The following ARL15 variants were observed in gnomAD, a reference collection of about 807,000 sequenced individuals.
The protein encoded by ARL15 is ADP-ribosylation factor-like protein 15.
Under a neutral mutation model 25.2 loss-of-function variants are expected in ARL15, and 19 were observed. The ratio of observed to expected loss-of-function variants is 0.75; its 90% CI spans 0.53 to 1.10. ARL15 has a LOEUF of 1.10. ARL15 is among the 50% of genes least tolerant of loss of function. The pLI is 0.00. For missense variants in ARL15, 220 were observed against 246.0 expected, an observed-to-expected ratio of 0.89 and a Z score of 0.71; for synonymous variants, 94 against 86.8, an observed-to-expected ratio of 1.08 and a Z score of -0.46.
At chr5:54,212,752 A>G (rs542060792) in intron 1 of ARL15, among the ~76,000 whole-genome samples, 3 of 152,206 alleles carry the variant, frequency 2.0e-5, no homozygotes, top group Admixed American at 6.5e-5. Context: ...GAGATTGAGA[A>G]AGATTAAGCA....
intron 4 of ARL15, among the ~76,000 whole-genome samples, chr5:53,984,950 T>C (rs1748241491): frequency 6.6e-6 from 1 of 152,312 alleles, no homozygotes; most frequent in Middle Eastern, 3.4e-3. Context: ...CTCACATATG[T>C]AAAATCCAGC....
intron 4 of ARL15, among the ~76,000 whole-genome samples, chr5:53,914,146 C>A (rs1451206248): frequency 1.3e-5 from 2 of 148,808 alleles, no homozygotes; most frequent in Non-Finnish European, 3.0e-5. Flanking sequence ...CCCACACACA[C>A]ACTCTCACAC....
intron 3 of ARL15, among the ~76,000 whole-genome samples, chr5:54,149,272 G>A (rs758316447): frequency 2.6e-5 from 4 of 152,194 alleles, no homozygotes; most frequent in East Asian, 1.9e-4. Context: ...ATTAACGCAC[G>A]CACAGTGCCA....
chr5:54,051,372 CACTT>C (rs1750696470), intron 4 of ARL15, among the ~76,000 whole-genome samples: 1 of 152,206 alleles, frequency 6.6e-6, no homozygotes, highest in African/African-American at 2.4e-5. Context: ...TCGACCCTCA[CACTT>C]ACAACATGCA....
At chr5:54,074,826 T>C (rs1417405735) in intron 4 of ARL15, among the ~76,000 whole-genome samples, 2 of 151,894 alleles carry the variant, frequency 1.3e-5, no homozygotes, top group Non-Finnish European at 2.9e-5. Flanking sequence ...AAGACACATA[T>C]AAGAAGGTAA....
At chr5:54,028,471 G>C (rs1215722715) in intron 4 of ARL15, among the ~76,000 whole-genome samples, 7 of 150,564 alleles carry the variant, frequency 4.6e-5, no homozygotes, top group African/African-American at 1.7e-4. Context: ...CACCATCAAG[G>C]GGGTGGACCA....
At chr5:54,195,253 T>C (rs1367102360) in intron 1 of ARL15, among the ~76,000 whole-genome samples, 1 of 152,142 alleles carries the variant, frequency 6.6e-6, no homozygotes, top group Non-Finnish European at 1.5e-5. Flanking sequence ...AGGCTCAAGA[T>C]AGATCCTATA....
At chr5:54,086,470 C>T (rs1231633684) in intron 4 of ARL15, among the ~76,000 whole-genome samples, 2 of 147,996 alleles carry the variant, frequency 1.4e-5, no homozygotes, top group Non-Finnish European at 3.0e-5. Context: ...ATATGTGTTT[C>T]GCAGTAGCTT....
chr5:53,896,563 G>A (rs1744881051), intron 4 of ARL15, among the ~76,000 whole-genome samples: 1 of 151,744 alleles, frequency 6.6e-6, no homozygotes, highest in East Asian at 1.9e-4. Flanking sequence ...GCATGATCTC[G>A]GCTCACTGCA....
chr5:53,970,424 AG>A (rs1385675006), intron 4 of ARL15, among the ~76,000 whole-genome samples: 2 of 152,210 alleles, frequency 1.3e-5, no homozygotes, highest in Non-Finnish European at 2.9e-5. Context: ...GTATTTCAAT[AG>A]CTTACTTCTC....
At chr5:53,991,603 T>C (rs1199203648) in intron 4 of ARL15, among the ~76,000 whole-genome samples, 1 of 150,828 alleles carries the variant, frequency 6.6e-6, no homozygotes, top group Non-Finnish European at 1.5e-5. Context: ...GTAAACACCT[T>C]GGCTCTGTAG....
chr5:54,026,483 T>C (rs1749790458), intron 4 of ARL15, among the ~76,000 whole-genome samples: 1 of 152,148 alleles, frequency 6.6e-6, no homozygotes, highest in African/African-American at 2.4e-5. Flanking sequence ...TTGGCCAGGC[T>C]GGTCTTGAAT....
intron 4 of ARL15, among the ~76,000 whole-genome samples, chr5:54,015,141 A>G (rs928280689): frequency 6.6e-6 from 1 of 152,036 alleles, no homozygotes; most frequent in Non-Finnish European, 1.5e-5. Context: ...AAAAATACAA[A>G]AAACTAGCCA....
chr5:54,299,868 T>G (rs978878085), intron 1 of ARL15, among the ~76,000 whole-genome samples: 4 of 152,172 alleles, frequency 2.6e-5, no homozygotes, highest in African/African-American at 9.7e-5. Context: ...ATTATAGGCG[T>G]GAGCCACCGC....
chr5:53,965,453 T>C (rs1198978164), intron 4 of ARL15, among the ~76,000 whole-genome samples: 1 of 152,188 alleles, frequency 6.6e-6, no homozygotes, highest in East Asian at 1.9e-4. Flanking sequence ...ATTACTATTT[T>C]TATGAGCCAA....
chr5:54,262,228 T>C (rs1757513055), intron 1 of ARL15, among the ~76,000 whole-genome samples: 1 of 152,202 alleles, frequency 6.6e-6, no homozygotes, highest in African/African-American at 2.4e-5. Flanking sequence ...CAAGCCACCA[T>C]GTAAACCTCT....
chr5:54,194,416 G>C (rs566592498), intron 1 of ARL15, among the ~76,000 whole-genome samples: 21 of 151,550 alleles, frequency 1.4e-4, no homozygotes, highest in Admixed American at 6.6e-5. Flanking sequence ...ACCTCCATAC[G>C]GCCTCACCAA....
chr5:54,074,703 TA>T (rs1273087343), intron 4 of ARL15, among the ~76,000 whole-genome samples: 1 of 152,174 alleles, frequency 6.6e-6, no homozygotes, highest in Non-Finnish European at 1.5e-5. Flanking sequence ...TTTACTTTAA[TA>T]GTATTAGAGG....
chr5:53,975,017 G>A (rs897268468), intron 4 of ARL15, among the ~76,000 whole-genome samples: 1 of 152,176 alleles, frequency 6.6e-6, no homozygotes, highest in Non-Finnish European at 1.5e-5. Context: ...AAGGAGGCAT[G>A]AGGGGAACCC....
Sources: gnomAD v4.1 joint callset for allele counts (sites outside exome capture counted in the v4.1 genomes callset) on GRCh38, gnomAD v4.1.1 for gene constraint, MANE v1.5 for transcripts, NCBI Gene and HGNC (gene_info 2026-07-23, HGNC 2026-07-21) for gene names.